Variants in RGS7 observed in about 807,000 individuals in gnomAD.
RGS7 encodes the protein regulator of G protein signaling 7.
A neutral mutation model predicts 81.1 loss-of-function variants in RGS7; 27 were observed. That is an observed-to-expected ratio of 0.33 (90% CI 0.25 to 0.46). The LOEUF is 0.46. Ranked by LOEUF, RGS7 falls within the 20% of genes least tolerant of loss-of-function variation. The probability of loss-of-function intolerance (pLI) is 1.00; values close to 1 mark genes in which losing one functional copy is unlikely to be tolerated. For missense variants in RGS7, 396 were observed against 607.4 expected (o/e 0.65, Z 3.66); for synonymous variants, 208 against 207.7 (o/e 1.00, Z -0.01).
At chr1:240,937,070 G>T (rs958678865) in intron 4 of RGS7, among the ~76,000 whole-genome samples, 4 of 152,078 alleles carry the variant, frequency 2.6e-5, no homozygotes, top group African/African-American at 4.8e-5. Flanking sequence ...GCCCAAACAT[G>T]CCTTGTACCG....
At chr1:240,960,546 CTTTTTTTTTTT>C (rs5782170) in intron 4 of RGS7, among the ~76,000 whole-genome samples, 2 of 113,694 alleles carry the variant, frequency 1.8e-5, no homozygotes, top group South Asian at 2.9e-4. Context: ...CTGGGCTGTT[CTTTTTTTTTTT>C]TTTTTTTTTT....
At chr1:241,186,404 A>G in intron 2 of RGS7, 1 of 664,594 alleles carries the variant, frequency 1.5e-6, no homozygotes, top group Non-Finnish European at 1.9e-6. Flanking sequence ...AACTGATGCA[A>G]AAGACCACAA....
At chr1:240,852,632 TCCC>T (rs1328022825) in intron 9 of RGS7, among the ~76,000 whole-genome samples, 3 of 152,150 alleles carry the variant, frequency 2.0e-5, no homozygotes, top group Non-Finnish European at 4.4e-5. Flanking sequence ...CCCATCTTTT[TCCC>T]CAACTTGATG....
intron 2 of RGS7, among the ~76,000 whole-genome samples, chr1:241,304,061 T>A (rs1470247781): frequency 6.6e-6 from 1 of 152,226 alleles, no homozygotes; most frequent in Non-Finnish European, 1.5e-5. Flanking sequence ...ATAAGAGAAA[T>A]TTATATTAAT....
At chr1:240,961,650 C>T (rs990439091) in intron 4 of RGS7, among the ~76,000 whole-genome samples, 3 of 151,958 alleles carry the variant, frequency 2.0e-5, no homozygotes, top group African/African-American at 7.3e-5. Flanking sequence ...AATGGCAATG[C>T]GCAATGGGGA....
At chr1:240,870,950 A>G (rs1291763774) in intron 6 of RGS7, among the ~76,000 whole-genome samples, 3 of 152,172 alleles carry the variant, frequency 2.0e-5, no homozygotes, top group Non-Finnish European at 4.4e-5. Context: ...TACCTTCCAC[A>G]GTATTTCCAT....
chr1:240,945,063 A>G (rs1163678672), intron 4 of RGS7, among the ~76,000 whole-genome samples: 2 of 152,248 alleles, frequency 1.3e-5, no homozygotes, highest in Non-Finnish European at 2.9e-5. Flanking sequence ...GGATCACTAA[A>G]GACTTTTTAG....
intron 3 of RGS7, among the ~76,000 whole-genome samples, chr1:241,011,818 A>C (rs1276329769): frequency 1.3e-5 from 2 of 152,198 alleles, no homozygotes; most frequent in African/African-American, 4.8e-5. Flanking sequence ...CCTATATCAC[A>C]AACCCATGTA....
chr1:240,836,962 T>C (rs575833512), intron 9 of RGS7, among the ~76,000 whole-genome samples: 2 of 152,348 alleles, frequency 1.3e-5, no homozygotes, highest in African/African-American at 2.4e-5. Context: ...CTAGCAACTA[T>C]CTGTGCATCC....
intron 15 of RGS7, among the ~76,000 whole-genome samples, chr1:240,803,469 T>C (rs1388261028): frequency 6.6e-6 from 1 of 152,130 alleles, no homozygotes; most frequent in East Asian, 1.9e-4. Flanking sequence ...ACAAATTGCA[T>C]GGAAAATTGT....
chr1:241,185,286 T>A (rs573775411), intron 2 of RGS7, among the ~76,000 whole-genome samples: 1 of 152,296 alleles, frequency 6.6e-6, no homozygotes, highest in East Asian at 1.9e-4. Flanking sequence ...TTACTCTATT[T>A]TATTTTAATA....
Position 241,163,952 on chromosome 1 carries a change from C to T in RGS7, c.79-65190G>A, listed in dbSNP as rs79875875. 3.5e-4 allele frequency among the ~76,000 whole-genome samples: 53 copies of T among 152,238 alleles called. 2 individuals are homozygous for T. In the East Asian group the frequency reaches 0.01, roughly 29 times the overall value. On this transcript the variant is annotated intron_variant, in intron 2 of 18. Coordinates refer to ENST00000440928, the MANE Select transcript of RGS7 (RefSeq NM_001364886.1). The surrounding 1 kb of genome is among the most constrained non-coding windows in gnomAD (Gnocchi z 4.6). Reference sequence around the variant, plus strand: ...ATCCCACAGGTTGAGGGCTCAGTCCCCAAGAATGCCCCTTGCTTCTGACGC... The same window carrying T: ...ATCCCACAGGTTGAGGGCTCAGTCCTCAAGAATGCCCCTTGCTTCTGACGC...
At chr1:241,088,454 G>A (rs1348206310) in intron 3 of RGS7, among the ~76,000 whole-genome samples, 1 of 152,040 alleles carries the variant, frequency 6.6e-6, no homozygotes, top group Non-Finnish European at 1.5e-5. Flanking sequence ...CAGGACATAG[G>A]TAAACGTACC....
intron 2 of RGS7, among the ~76,000 whole-genome samples, chr1:241,258,867 A>G (rs138000347): frequency 5.1e-4 from 78 of 152,348 alleles, no homozygotes; most frequent in African/African-American, 1.9e-3. Context: ...ACAGAGTATT[A>G]TCCTGCAGGC....
intron 3 of RGS7, among the ~76,000 whole-genome samples, chr1:241,021,057 ATTAG>A (rs2059511177): frequency 6.6e-6 from 1 of 152,208 alleles, no homozygotes; most frequent in Admixed American, 6.5e-5. Context: ...AGAACTTCTT[ATTAG>A]TGTTGTCAAC....
At chr1:241,283,974 TG>T (rs1001302700) in intron 2 of RGS7, among the ~76,000 whole-genome samples, 4 of 152,224 alleles carry the variant, frequency 2.6e-5, no homozygotes, top group African/African-American at 9.6e-5. Flanking sequence ...GGTTCTTTTT[TG>T]TACCTTATAT....
intron 2 of RGS7, among the ~76,000 whole-genome samples, chr1:241,344,009 T>C (rs1341118841): frequency 6.6e-6 from 1 of 152,202 alleles, no homozygotes; most frequent in African/African-American, 2.4e-5. Context: ...TTTACCTTTT[T>C]ATATACCTTT....
chr1:240,913,379 C>T (rs1672075070), intron 6 of RGS7, among the ~76,000 whole-genome samples: 1 of 152,076 alleles, frequency 6.6e-6, no homozygotes, highest in African/African-American at 2.4e-5. Flanking sequence ...AAAAGCCAGA[C>T]CTTTTAATGA....
intron 2 of RGS7, among the ~76,000 whole-genome samples, chr1:241,112,592 T>A (rs61832559): frequency 6.6e-6 from 1 of 152,224 alleles, no homozygotes; most frequent in Admixed American, 6.5e-5. Flanking sequence ...AGGTGTTTCA[T>A]GGTTTTCAAA....
Sources: gnomAD v4.1 joint callset for allele counts (sites outside exome capture counted in the v4.1 genomes callset) on GRCh38, gnomAD v4.1.1 for gene constraint, Gnocchi (gnomAD v3.1) non-coding constraint, MANE v1.5 for transcripts, NCBI Gene and HGNC (gene_info 2026-07-23, HGNC 2026-07-21) for gene names.